ATF7: variants seen among roughly 807,000 people sequenced by gnomAD.
The protein encoded by ATF7 is cyclic AMP-dependent transcription factor ATF-7.
In ATF7, 10 loss-of-function variants were observed where a neutral mutation model predicts 50.4. That is an observed-to-expected ratio of 0.20 (90% confidence interval 0.12 to 0.34). The LOEUF is 0.34. ATF7 is among the 10% of genes least tolerant of loss of function. The pLI is 1.00. For synonymous variants in ATF7, 201 were observed against 226.4 expected (o/e 0.89, Z 1.01); for missense variants, 465 against 613.9 (o/e 0.76, Z 2.56).
chr12:53,575,238 T>C (rs889553727), intron 2 of ATF7, among the ~76,000 whole-genome samples: 2 of 151,986 alleles, frequency 1.3e-5, no homozygotes, highest in African/African-American at 4.8e-5. Flanking sequence ...AGAAACCCTG[T>C]CTCTACTAAA....
chr12:53,547,141 T>C (rs985776470), intron 3 of ATF7, among the ~76,000 whole-genome samples: 5 of 151,156 alleles, frequency 3.3e-5, no homozygotes, highest in African/African-American at 9.7e-5. Context: ...CCCGCCACCA[T>C]GCCTGGCTAA....
At chr12:53,626,083 AGGCTTCCTTCTCTCCCATTGGTC>A (rs1463206887) in intron 1 of ATF7, 173 bp downstream of exon 1, 1 of 152,422 alleles carries the variant, frequency 6.6e-6, no homozygotes, top group East Asian at 1.9e-4. Context: ...CCGCCAATCG[AGGCTTCCTTCTCTCCCATTGGTC>A]GGCTTTGGCC....
chr12:53,555,364 A>C (rs1225275935), intron 2 of ATF7, among the ~76,000 whole-genome samples: 1 of 151,384 alleles, frequency 6.6e-6, no homozygotes, highest in African/African-American at 2.4e-5. Flanking sequence ...GGAAGGAGGG[A>C]ATAGTGTATT....
chr12:53,529,809 C>T (rs1467146634), intron 9 of ATF7, among the ~76,000 whole-genome samples: 4 of 149,824 alleles, frequency 2.7e-5, no homozygotes, highest in Non-Finnish European at 4.4e-5. Context: ...GGCACGATCT[C>T]GGCTCACTGC....
At chr12:53,586,289 TAAG>T (rs1428743938) in intron 2 of ATF7, among the ~76,000 whole-genome samples, 2 of 152,084 alleles carry the variant, frequency 1.3e-5, no homozygotes, top group African/African-American at 4.8e-5. Context: ...ACGTACAACC[TAAG>T]GAGACTACAG....
In ATF7 at chr12:53,532,555, G is replaced by A. The variant is rs1938966034; in HGVS notation, c.729C>T (p.Gly243=). 1.2e-6 allele frequency: 2 copies of A among 1,608,460 alleles called. No individual in the cohort carries two copies. Among genetic ancestry groups the A allele is most frequent in the Admixed American group, 3.4e-5 (2 of 59,118 alleles). The change falls in exon 8 of 12, where the codon GGC becomes GGT. Residue 243 remains glycine (G), a synonymous_variant. Transcript: ENST00000420353. The part of the protein sequence containing the change: ...GIPGPPVNSS[G]SISPSGHPIP... ...TAGGGTGGCCAGAGGGAGAAATGGA[G>A]CCACTACTGTTAACTGGTGGGCCAG...
Position 53,515,969 on chromosome 12 carries a change from ATG to A in ATF7, c.*1166_*1167del, listed in dbSNP as rs996767695. The A allele has an allele frequency of 3.3e-5, 5 of 152,268 alleles. No individual in the cohort carries two copies. Among genetic ancestry groups the A allele is most frequent in the African/African-American group, 1.2e-4 (5 of 41,436 alleles). The allele number at this position is 152,268 out of a possible 1,614,324, so 9.4% of individuals were successfully genotyped here. A position where few individuals can be genotyped will look rare whatever the true frequency, so the allele number is the denominator to read the frequency against. On this transcript the variant is annotated 3_prime_UTR_variant, in exon 12 of 12. Coordinates refer to ENST00000420353, the MANE Select transcript of ATF7 (RefSeq NM_006856.3). ...GACTCTAGCTCAGAAAAGCAGACAGATGTGTGAGGGGGAGAGATGGGGTAGAA... is the reference window on the plus strand; with the variant it reads ...GACTCTAGCTCAGAAAAGCAGACAGATGTGAGGGGGAGAGATGGGGTAGAA...
At chr12:53,553,568 G>C (rs535592628) in intron 2 of ATF7, among the ~76,000 whole-genome samples, 5 of 152,222 alleles carry the variant, frequency 3.3e-5, no homozygotes, top group African/African-American at 4.8e-5. Flanking sequence ...TTCTTAAAAG[G>C]GGGAGAGTGA....
rs1424331510 is a variant in ATF7 at position 53,515,968 on chromosome 12, G to C, written c.*1169C>G. On this transcript the variant is annotated 3_prime_UTR_variant, in exon 12 of 12. Coordinates refer to ENST00000420353, the MANE Select transcript of ATF7 (RefSeq NM_006856.3). ...AGACTCTAGCTCAGAAAAGCAGACAGATGTGTGAGGGGGAGAGATGGGGTA... is the reference window on the plus strand; with the variant it reads ...AGACTCTAGCTCAGAAAAGCAGACACATGTGTGAGGGGGAGAGATGGGGTA... 2.6e-5 allele frequency: 4 copies of C among 152,336 alleles called. No homozygotes were observed. Among genetic ancestry groups the C allele is most frequent in the Non-Finnish European group, 5.9e-5 (4 of 68,156 alleles). The allele number at this position is 152,336 out of a possible 1,614,324, so 9.4% of individuals were successfully genotyped here.
chr12:53,521,138 G>A (rs536594344), intron 11 of ATF7, among the ~76,000 whole-genome samples: 5 of 151,994 alleles, frequency 3.3e-5, no homozygotes, highest in Admixed American at 6.6e-5. Flanking sequence ...GATTACAGGC[G>A]CATGCCACCA....
intron 2 of ATF7, 193 bp downstream of exon 2, chr12:53,600,760 A>T: frequency 5.6e-6 from 3 of 532,344 alleles, no homozygotes; most frequent in Non-Finnish European, 1.0e-5. Flanking sequence ...AATATGGAAG[A>T]CAGCAAGGCA....
intron 9 of ATF7, among the ~76,000 whole-genome samples, chr12:53,529,710 T>TAC (rs796404325): frequency 0.034 from 4,436 of 132,198 alleles, 95 homozygotes; most frequent in African/African-American, 0.035. Flanking sequence ...TATATACACA[T>TAC]ACACACACAC....
At chr12:53,594,503 C>A (rs1250312999) in intron 2 of ATF7, among the ~76,000 whole-genome samples, 1 of 152,166 alleles carries the variant, frequency 6.6e-6, no homozygotes. Context: ...TAATCAACTA[C>A]ATGTTTCTAA....
Position 53,531,793 on chromosome 12 carries a change from C to G in ATF7, c.878G>C (p.Ser293Thr). Residue 293 changes from serine to threonine, a missense_variant, in exon 9 of 12, where the codon AGC becomes ACC. By Grantham distance (58) the Ser-to-Thr change is moderately conservative. Transcript: ENST00000420353. ...STMVTARPEQ[S>T]QILIQHPDAP... is the part of the protein sequence containing the mutation. ...ATCAGGGTGCTGGATGAGAATCTGG[C>G]TCTGCTCTGGGCGGGCTGTCACCAT... 2 of 1,612,496 alleles carry G rather than the reference C, an allele frequency of 1.2e-6. No homozygotes were observed. Among genetic ancestry groups the G allele is most frequent in the Non-Finnish European group, 8.5e-7 (1 of 1,179,528 alleles).
rs111688170 is a variant in ATF7, at chr12:53,525,276, C to T, written c.928-515G>A. ...GCTGAGGCAGGAGAATTGCTTGAGT[C>T]CAGGAGGCGGAGGTTGCAGTGAGCT... On this transcript the variant is annotated intron_variant, in intron 9 of 11. Coordinates refer to ENST00000420353, the MANE Select transcript of ATF7 (RefSeq NM_006856.3). Among the ~76,000 whole-genome samples, 99 of 152,238 alleles carry T rather than the reference C, an allele frequency of 6.5e-4. 2 individuals carry two copies. The highest frequency in any genetic ancestry group is 2.3e-3 in the African/African-American group (96 of 41,534).
At chr12:53,582,154 A>G (rs917556854) in intron 2 of ATF7, among the ~76,000 whole-genome samples, 1 of 151,914 alleles carries the variant, frequency 6.6e-6, no homozygotes, top group African/African-American at 2.4e-5. Flanking sequence ...CCCCATCTCT[A>G]CTAAATACAA....
At chr12:53,530,148 T>G (rs1001077213) in intron 9 of ATF7, among the ~76,000 whole-genome samples, 26 of 152,322 alleles carry the variant, frequency 1.7e-4, no homozygotes, top group African/African-American at 6.0e-4. Context: ...GCTACTGCTT[T>G]GCCATCTTCA....
At chr12:53,569,904 C>T (rs1338273961) in intron 2 of ATF7, among the ~76,000 whole-genome samples, 2 of 152,120 alleles carry the variant, frequency 1.3e-5, no homozygotes, top group African/African-American at 2.4e-5. Context: ...GTCTGGAACT[C>T]CTGACCTTGT....
chr12:53,537,592 T>C, intron 4 of ATF7, 40 bp from the exon 5 acceptor site: 1 of 1,604,120 alleles, frequency 6.2e-7, no homozygotes, highest in African/African-American at 1.3e-5. Flanking sequence ...AACCCTATGA[T>C]TCCTTTCAGG....
Sources: allele counts gnomAD v4.1 joint callset (sites outside exome capture counted in the v4.1 genomes callset), GRCh38; gene constraint gnomAD v4.1.1; transcripts MANE v1.5; gene names NCBI Gene and HGNC (gene_info 2026-07-23, HGNC 2026-07-21).